PARPBP: variants seen among roughly 807,000 people sequenced by gnomAD.
The protein encoded by PARPBP is PARP1 binding protein.
A neutral mutation model predicts 50.0 loss-of-function variants in PARPBP; 52 were observed. That is an observed-to-expected ratio of 1.04 (90% CI 0.83 to 1.31). PARPBP has a LOEUF of 1.31. Ranked by LOEUF, PARPBP falls within the 50% of genes most tolerant of loss-of-function variation. The pLI, the probability that PARPBP is intolerant of heterozygous loss-of-function variation, is 0.00. For missense variants in PARPBP, 697 were observed against 672.0 expected (o/e 1.04, Z -0.41); for synonymous variants, 244 against 232.1 (o/e 1.05, Z -0.47).
chr12:102,195,927 T>C, intron 10 of PARPBP, 24 bp from the exon 11 acceptor site: 1 of 1,435,664 alleles, frequency 7.0e-7, no homozygotes, highest in Non-Finnish European at 9.5e-7. Context: ...GTAATTCCTT[T>C]CCCCTTTTTA....
At chr12:102,159,345 T>G (rs1224550431) in intron 4 of PARPBP, among the ~76,000 whole-genome samples, 1 of 152,204 alleles carries the variant, frequency 6.6e-6, no homozygotes, top group Non-Finnish European at 1.5e-5. Context: ...GCCAGGCTGG[T>G]CTTGAACTCC....
intron 6 of PARPBP, among the ~76,000 whole-genome samples, chr12:102,172,981 G>A (rs1209244871): frequency 6.6e-6 from 1 of 152,204 alleles, no homozygotes; most frequent in African/African-American, 2.4e-5. Context: ...GATTACAGAA[G>A]TATGGCAGAC....
chr12:102,195,848 T>TAAAAA (rs2137646789), intron 10 of PARPBP, 103 bp from the exon 11 acceptor site: 5 of 691,164 alleles, frequency 7.2e-6, no homozygotes, highest in Non-Finnish European at 1.2e-5. Flanking sequence ...ACTTTAAAAA[T>TAAAAA]TTGAATATTC....
intron 6 of PARPBP, among the ~76,000 whole-genome samples, chr12:102,171,109 A>G (rs1888671988): frequency 6.7e-6 from 1 of 148,528 alleles, no homozygotes; most frequent in South Asian, 2.1e-4. Context: ...CTTCAGGAAT[A>G]CCTCCTGAAG....
chr12:102,179,962 T>C (rs1306787481), intron 8 of PARPBP, among the ~76,000 whole-genome samples: 1 of 152,194 alleles, frequency 6.6e-6, no homozygotes, highest in Non-Finnish European at 1.5e-5. Flanking sequence ...TCTGGCTTCA[T>C]GATTGCTTCA....
rs1314498261 is a variant in PARPBP at position 102,148,178 on chromosome 12, A to C, written c.154-52A>C. The C allele has an allele frequency of 5.6e-6, 4 of 719,162 alleles. No homozygotes were observed. In the East Asian group the frequency reaches 8.4e-5, roughly 15 times the overall value. The allele number at this position is 719,162 out of a possible 1,614,324, so 44.5% of individuals were successfully genotyped here. A position where few individuals can be genotyped will look rare whatever the true frequency, so the allele number is the denominator to read the frequency against. ...TCTTATCTCAGTTATAAGTTATTGA[A>C]TATTCTGGTACCCAACTTTATTTTT... On this transcript the variant is annotated intron_variant, in intron 2 of 10. Coordinates refer to ENST00000327680, the MANE Select transcript of PARPBP (RefSeq NM_017915.5).
At chr12:102,141,209 G>A (rs180692130) in intron 2 of PARPBP, among the ~76,000 whole-genome samples, 19 of 152,188 alleles carry the variant, frequency 1.2e-4, no homozygotes, top group Middle Eastern at 6.8e-3. Flanking sequence ...AGCTCTTCTT[G>A]TTGAATTGAT....
Position 102,155,597 on chromosome 12 carries a change from G to A in PARPBP, c.495+1621G>A, listed in dbSNP as rs1028261739. ...CATCTATCGCCTGAGAGCATGGTGGGGGGGGGGGGCGGGGACAATGATTGG... is the reference window on the plus strand; with the variant it reads ...CATCTATCGCCTGAGAGCATGGTGGAGGGGGGGGGCGGGGACAATGATTGG... On this transcript the variant is annotated intron_variant, in intron 4 of 10. Coordinates refer to ENST00000327680, the MANE Select transcript of PARPBP (RefSeq NM_017915.5). Among the ~76,000 whole-genome samples the A allele has an allele frequency of 4.4e-4, 49 of 112,414 alleles. No homozygotes were observed. In the East Asian group the frequency reaches 9.0e-3, roughly 21 times the overall value. 73.7% of individuals were successfully genotyped at this position (112,414 alleles called of 152,430 possible).
rs1452083776 is a variant in PARPBP, at chr12:102,148,282, A to G, written c.206A>G (p.Tyr69Cys). 1.9e-6 allele frequency: 3 copies of G among 1,607,556 alleles called. No individual in the cohort carries two copies. The highest frequency in any genetic ancestry group is 2.7e-5 in the African/African-American group (2 of 74,628). Reference protein sequence around the residue: ...SLSDVLLTWKYLLHEKLNLPV... With the variant: ...SLSDVLLTWKCLLHEKLNLPV... Reference sequence around the variant, plus strand: ...AGTGATGTTTTATTGACATGGAAATACTTGCTCCATGAGAAATTGAACTTA... The same window carrying G: ...AGTGATGTTTTATTGACATGGAAATGCTTGCTCCATGAGAAATTGAACTTA... Residue 69 changes from tyrosine (Y) to cysteine (C), a missense_variant, in exon 3 of 11, where the codon TAC becomes TGC. Physicochemically the swap from Tyr to Cys is radical, Grantham distance 194. Transcript: ENST00000327680.
intron 9 of PARPBP, among the ~76,000 whole-genome samples, chr12:102,190,452 C>T (rs1890694057): frequency 6.6e-6 from 1 of 152,116 alleles, no homozygotes; most frequent in Non-Finnish European, 1.5e-5. Context: ...ATGGAAGCCA[C>T]TGGCCTACCC....
At chr12:102,189,969 A>G (rs1158165286) in intron 9 of PARPBP, among the ~76,000 whole-genome samples, 4 of 152,102 alleles carry the variant, frequency 2.6e-5, no homozygotes, top group Non-Finnish European at 2.9e-5. Flanking sequence ...TTCTGTACCA[A>G]CTGGTTTCTT....
chr12:102,121,067 A>G (rs1257902614), intron 1 of PARPBP, among the ~76,000 whole-genome samples: 1 of 152,046 alleles, frequency 6.6e-6, no homozygotes, highest in Non-Finnish European at 1.5e-5. Flanking sequence ...TTGCATATTT[A>G]TTGTCTCATT....
At position 102,122,451 on chromosome 12, in the gene PARPBP, A is replaced by G. The variant is rs533451333; in HGVS notation, c.-3-1435A>G. Among the ~76,000 whole-genome samples, 4 of 152,340 alleles carry G rather than the reference A, an allele frequency of 2.6e-5. No homozygotes were observed. The South Asian group carries it at 8.3e-4, about 32-fold the overall frequency. ...TAGGATTCTGTTTATGCCACATAAA[A>G]ATAGAAGAAAAGGATAGCAGAAGGA... On this transcript the variant is annotated intron_variant, in intron 1 of 10. Transcript: ENST00000327680.
At chr12:102,136,616 A>G (rs780412519) in intron 2 of PARPBP, among the ~76,000 whole-genome samples, 2 of 152,172 alleles carry the variant, frequency 1.3e-5, no homozygotes, top group Non-Finnish European at 2.9e-5. Flanking sequence ...ATTCAGTGTG[A>G]AAGTTCAGAC....
In PARPBP at chr12:102,146,805, C is replaced by T. The variant is rs149774164; in HGVS notation, c.154-1425C>T. Reference sequence around the variant, plus strand: ...AACCTACAAAATGGGAGAAAATTTCCGCAACCTACTCATCTGACAAAGGGC... The same window carrying T: ...AACCTACAAAATGGGAGAAAATTTCTGCAACCTACTCATCTGACAAAGGGC... On this transcript the variant is annotated intron_variant, in intron 2 of 10. Coordinates refer to ENST00000327680, the MANE Select transcript of PARPBP (RefSeq NM_017915.5). 6.6e-3 allele frequency among the ~76,000 whole-genome samples: 999 copies of T among 152,172 alleles called. 8 individuals are homozygous for T. The highest frequency in any genetic ancestry group is 0.019 in the African/African-American group (790 of 41,514).
In PARPBP at chr12:102,148,464, G is replaced by A. The variant is rs759565924; in HGVS notation, c.387+1G>A. ...TGAAAATTATAACACAGTATCTCCT[G>A]TAAGTATTTTTTAAACAATTCTATT... is the stretch of plus-strand genomic sequence containing the variant. On this transcript the variant is annotated splice_donor_variant, in intron 3 of 10. Transcript: ENST00000327680. LOFTEE classifies it high-confidence loss of function. 4.3e-6 allele frequency: 5 copies of A among 1,153,156 alleles called. No individual in the cohort carries two copies. Among genetic ancestry groups the A allele is most frequent in the Middle Eastern group, 2.1e-4 (1 of 4,812 alleles). The allele number at this position is 1,153,156 out of a possible 1,614,324, so 71.4% of individuals were successfully genotyped here. A position where few individuals can be genotyped will look rare whatever the true frequency, so the allele number is the denominator to read the frequency against.
In PARPBP at chr12:102,120,211, G is replaced by A. The variant is rs1880758189; in HGVS notation, c.-79G>A. The A allele has an allele frequency of 1.8e-5, 4 of 226,496 alleles. No individual in the cohort carries two copies. The highest frequency in any genetic ancestry group is 1.6e-4 in the South Asian group (4 of 25,526). The allele number at this position is 226,496 out of a possible 1,614,324, so 14.0% of individuals were successfully genotyped here. On this transcript the variant is annotated 5_prime_UTR_variant, in exon 1 of 11. Transcript: ENST00000327680. ...TTCAGCGGCGACAGCGGCGACTGCGGCGGCCGCGGGAGGGCATCCCGTTGG... is the reference window on the plus strand; with the variant it reads ...TTCAGCGGCGACAGCGGCGACTGCGACGGCCGCGGGAGGGCATCCCGTTGG...
intron 3 of PARPBP, among the ~76,000 whole-genome samples, 156 bp from the exon 4 acceptor site, chr12:102,153,713 A>G (rs2139036585): frequency 6.6e-6 from 1 of 152,338 alleles, no homozygotes; most frequent in East Asian, 1.9e-4. Flanking sequence ...GGGCAATTAC[A>G]TTATGAAGTT....
chr12:102,152,118 C>T (rs1260126657), intron 3 of PARPBP: 1 of 296,122 alleles, frequency 3.4e-6, no homozygotes, highest in East Asian at 8.7e-5. Context: ...TTCCTCGCTC[C>T]TCTTCCTAGA....
Sources: gnomAD v4.1 joint callset for allele counts (sites outside exome capture counted in the v4.1 genomes callset) on GRCh38, gnomAD v4.1.1 for gene constraint, MANE v1.5 for transcripts, NCBI Gene and HGNC (gene_info 2026-07-23, HGNC 2026-07-21) for gene names.